HNF4G: variants seen among roughly 807,000 people sequenced by gnomAD.
HNF4G encodes the protein hepatocyte nuclear factor 4 gamma, also known as hepatocyte nuclear factor 4-gamma.
In HNF4G, 21 loss-of-function variants were observed where a neutral mutation model predicts 50.9. The ratio of observed to expected loss-of-function variants is 0.41; its 90% CI spans 0.29 to 0.59. The LOEUF (loss-of-function observed/expected upper bound fraction) is 0.59. Among genes scored for constraint, HNF4G ranks in the 20% least tolerant of loss-of-function variants. The pLI is 0.26. For missense variants in HNF4G, 527 were observed against 559.4 expected (o/e 0.94, Z 0.58); for synonymous variants, 198 against 185.6 (o/e 1.07, Z -0.54).
At chr8:75,525,444 A>G (rs1240399376) in intron 2 of HNF4G, among the ~76,000 whole-genome samples, 1 of 152,192 alleles carries the variant, frequency 6.6e-6, no homozygotes, top group Non-Finnish European at 1.5e-5. Context: ...CTGGAATTAC[A>G]GGCGTGAGCC....
chr8:75,422,198 G>A (rs921906012), intron 1 of HNF4G, among the ~76,000 whole-genome samples: 3 of 152,132 alleles, frequency 2.0e-5, no homozygotes, highest in East Asian at 3.9e-4. Context: ...CTATTTTCTA[G>A]GTCCAGATGA....
rs192416773 is a variant in HNF4G, at chr8:75,497,247, A to G, written c.-24+7039A>G. ...TAAAATACATTTAATTTTGTCAAGC[A>G]GAGGACACCACATCTGATTCCTTGT... On this transcript the variant is annotated intron_variant, in intron 2 of 10. Transcript: ENST00000354370. 2.6e-4 allele frequency among the ~76,000 whole-genome samples: 40 copies of G among 152,290 alleles called. No homozygotes were observed. The East Asian group carries it at 6.8e-3, about 26-fold the overall frequency.
chr8:75,435,614 G>T (rs897548871), intron 1 of HNF4G, among the ~76,000 whole-genome samples: 1 of 152,092 alleles, frequency 6.6e-6, no homozygotes, highest in East Asian at 1.9e-4. Flanking sequence ...TTGTTGTTTT[G>T]AGACAGTCTC....
chr8:75,428,279 T>C (rs1810932039), intron 1 of HNF4G, among the ~76,000 whole-genome samples: 1 of 152,170 alleles, frequency 6.6e-6, no homozygotes, highest in African/African-American at 2.4e-5. Context: ...TTCACTTAGG[T>C]AAGTTACTTG....
chr8:75,546,207 A>G (rs1250278631), intron 2 of HNF4G, among the ~76,000 whole-genome samples: 1 of 152,124 alleles, frequency 6.6e-6, no homozygotes, highest in Non-Finnish European at 1.5e-5. Flanking sequence ...TGTATGCTTA[A>G]TATTTGCCCC....
At position 75,468,620 on chromosome 8, in the gene HNF4G, G is replaced by A. The variant is rs569117492; in HGVS notation, c.-143-21469G>A. The stretch of plus-strand genomic sequence containing the variant: ...GAGGCAGGAGAATCACTTGAATCTG[G>A]GAGGCAGAGGTTGTAGTGAGCCAAG... On this transcript the variant is annotated intron_variant, in intron 1 of 10. Coordinates refer to the HNF4G transcript ENST00000354370. Among the ~76,000 whole-genome samples the A allele has an allele frequency of 2.7e-4, 41 of 152,166 alleles. No individual in the cohort carries two copies. In the East Asian group the frequency reaches 3.5e-3, roughly 13 times the overall value.
chr8:75,443,446 A>G (rs376751214), intron 1 of HNF4G, among the ~76,000 whole-genome samples: 3 of 152,202 alleles, frequency 2.0e-5, no homozygotes, highest in East Asian at 3.8e-4. Context: ...AAAGGATAAC[A>G]AGTTATACGT....
chr8:75,482,102 C>T (rs1043312308), intron 1 of HNF4G, among the ~76,000 whole-genome samples: 4 of 152,168 alleles, frequency 2.6e-5, no homozygotes, highest in Non-Finnish European at 4.4e-5. Flanking sequence ...TGAAGTGGAT[C>T]ATCCTCAAAT....
chr8:75,529,621 A>T (rs180810177), intron 2 of HNF4G, among the ~76,000 whole-genome samples: 60 of 152,262 alleles, frequency 3.9e-4, no homozygotes, highest in African/African-American at 1.2e-3. Context: ...GAAATGGACA[A>T]TGATCATGTA....
intron 1 of HNF4G, among the ~76,000 whole-genome samples, chr8:75,478,969 G>A (rs577227267): frequency 1.3e-5 from 2 of 152,244 alleles, no homozygotes; most frequent in Admixed American, 6.5e-5. Flanking sequence ...TGATCTGCCC[G>A]CCTCGGCCTC....
intron 2 of HNF4G, among the ~76,000 whole-genome samples, chr8:75,524,339 A>C: frequency 6.6e-6 from 1 of 152,216 alleles, no homozygotes; most frequent in East Asian, 1.9e-4. Context: ...TTTAGCCAAC[A>C]ATTCAAAACA....
chr8:75,517,197 AT>A (rs1805911755), intron 2 of HNF4G, among the ~76,000 whole-genome samples: 1 of 152,188 alleles, frequency 6.6e-6, no homozygotes, highest in Admixed American at 6.5e-5. Context: ...CTCCCATTAC[AT>A]ATGGGAATTA....
chr8:75,493,715 C>T (rs1455657781), intron 2 of HNF4G, among the ~76,000 whole-genome samples: 1 of 151,528 alleles, frequency 6.6e-6, no homozygotes, highest in Non-Finnish European at 1.5e-5. Flanking sequence ...TGTTTTTTAC[C>T]TGTTTAAACA....
intron 2 of HNF4G, among the ~76,000 whole-genome samples, chr8:75,503,350 G>A (rs1184579444): frequency 1.4e-5 from 2 of 141,050 alleles, no homozygotes; most frequent in South Asian, 4.8e-4. Flanking sequence ...AACATGTAAA[G>A]TAACACAGAG....
chr8:75,422,710 T>G (rs184569903), intron 1 of HNF4G, among the ~76,000 whole-genome samples: 1,564 of 151,888 alleles, frequency 0.01, 28 homozygotes, highest in African/African-American at 0.035. Context: ...CTCGGCTCAC[T>G]GCAAGCTCCG....
chr8:75,490,879 G>T (rs553672712), intron 2 of HNF4G, among the ~76,000 whole-genome samples: 1 of 152,194 alleles, frequency 6.6e-6, no homozygotes, highest in East Asian at 1.9e-4. Flanking sequence ...AAACGTCTTC[G>T]CTTAATAATT....
At chr8:75,466,421 A>AT (rs571386132) in intron 1 of HNF4G, among the ~76,000 whole-genome samples, 29 of 151,262 alleles carry the variant, frequency 1.9e-4, no homozygotes, top group African/African-American at 4.9e-4. Flanking sequence ...CTTCTATGGC[A>AT]TTTTTTTCAG....
chr8:75,512,013 G>A (rs1805767852), intron 2 of HNF4G, among the ~76,000 whole-genome samples: 1 of 152,142 alleles, frequency 6.6e-6, no homozygotes, highest in African/African-American at 2.4e-5. Context: ...GGCCAGTGCA[G>A]AGGAATACAA....
intron 1 of HNF4G, among the ~76,000 whole-genome samples, chr8:75,430,462 G>A (rs546800099): frequency 1.4e-5 from 2 of 146,624 alleles, no homozygotes; most frequent in East Asian, 2.0e-4. Context: ...TAAAAGAGAC[G>A]GGGGTAGGGA....
Sources: gnomAD v4.1 joint callset for allele counts (sites outside exome capture counted in the v4.1 genomes callset) on GRCh38, gnomAD v4.1.1 for gene constraint, MANE v1.5 for transcripts, NCBI Gene and HGNC (gene_info 2026-07-23, HGNC 2026-07-21) for gene names.